The following OLAH variants were observed in gnomAD, a reference collection of about 807,000 sequenced individuals.
OLAH encodes the protein S-acyl fatty acid synthase thioesterase, medium chain.
A neutral mutation model predicts 27.8 loss-of-function variants in OLAH; 33 were observed. The observed-to-expected ratio is 1.19, with a 90% confidence interval of 0.90 to 1.59. The LOEUF is 1.59. Among genes scored for constraint, OLAH ranks in the 40% most tolerant of loss-of-function variants. The pLI is 0.00. For synonymous variants in OLAH, 120 were observed against 102.9 expected, an observed-to-expected ratio of 1.17 and a Z score of -1.01; for missense variants, 359 against 310.8, an observed-to-expected ratio of 1.16 and a Z score of -1.17.
At chr10:15,040,531 ACCT>A (rs1381975259), upstream of OLAH, among the ~76,000 whole-genome samples, 1 of 151,392 alleles carries the variant, frequency 6.6e-6, no homozygotes, top group East Asian at 2.0e-4. Flanking sequence ...CTAAACTCTA[ACCT>A]CCTCTGCTTC....
upstream of OLAH, among the ~76,000 whole-genome samples, chr10:15,039,190 C>A (rs898605314): frequency 2.4e-4 from 36 of 152,106 alleles, no homozygotes; most frequent in African/African-American, 8.4e-4. Context: ...AGCACCCCTG[C>A]ACGCCAGTCT....
chr10:15,073,149 C>T lies in OLAH; in HGVS notation c.718C>T (p.Leu240Phe). The change falls in exon 8 of 8, where the codon CTT becomes TTT. Residue 240 changes from leucine to phenylalanine, a missense_variant. Transcript: ENST00000378228. ...IYQLPGGHFYLLDPANEKLIK... is the reference protein window; with the variant it reads ...IYQLPGGHFYFLDPANEKLIK... ...CCAGCTTCCAGGGGGTCACTTTTATCTTCTGGATCCTGCGAACGAGAAATT... is the reference window on the plus strand; with the variant it reads ...CCAGCTTCCAGGGGGTCACTTTTATTTTCTGGATCCTGCGAACGAGAAATT... 1.9e-6 allele frequency: 3 copies of T among 1,612,226 alleles called. No individual in the cohort carries two copies. The highest frequency in any genetic ancestry group is 2.5e-6 in the Non-Finnish European group (3 of 1,178,384).
chr10:15,065,529 T>C, intron 5 of OLAH, 55 bp from the exon 6 acceptor site: 1 of 1,534,108 alleles, frequency 6.5e-7, no homozygotes, highest in East Asian at 2.3e-5. Flanking sequence ...TTTCAGTTTA[T>C]GAGCCAAGTG....
At chr10:15,036,498 C>T (rs1251096749) in intron 1 of OLAH, among the ~76,000 whole-genome samples, 1 of 151,880 alleles carries the variant, frequency 6.6e-6, no homozygotes, top group African/African-American at 2.4e-5. Flanking sequence ...ACTCTATCCC[C>T]CCAAAAAAGA....
intron 4 of OLAH, among the ~76,000 whole-genome samples, chr10:15,062,587 G>A (rs1249583311): frequency 6.7e-6 from 1 of 150,370 alleles, no homozygotes; most frequent in Non-Finnish European, 1.5e-5. Flanking sequence ...TTATATTATA[G>A]TAATATTAAA....
chr10:15,065,982 T>G (rs978053347), intron 6 of OLAH, among the ~76,000 whole-genome samples: 1 of 152,216 alleles, frequency 6.6e-6, no homozygotes, highest in Non-Finnish European at 1.5e-5. Flanking sequence ...GACTCATGCC[T>G]ATAATTCCAG....
At chr10:15,036,444 C>T (rs1843841710) in intron 1 of OLAH, among the ~76,000 whole-genome samples, 4 of 152,020 alleles carry the variant, frequency 2.6e-5, no homozygotes, top group Admixed American at 2.6e-4. Flanking sequence ...TTGCAGTGAG[C>T]TGAGATTGCG....
chr10:15,049,454 T>C (rs1027751223), intron 2 of OLAH, among the ~76,000 whole-genome samples, 181 bp from the exon 3 acceptor site: 6 of 152,158 alleles, frequency 3.9e-5, no homozygotes, highest in Admixed American at 3.9e-4. Context: ...TGTATTCAAA[T>C]TGTCAACACA....
intron 6 of OLAH, among the ~76,000 whole-genome samples, chr10:15,066,942 G>C (rs1844480646): frequency 6.6e-6 from 1 of 152,094 alleles, no homozygotes; most frequent in Non-Finnish European, 1.5e-5. Flanking sequence ...GCTCAGCAAG[G>C]ACTAAGTTTT....
intron 4 of OLAH, among the ~76,000 whole-genome samples, chr10:15,063,491 A>G (rs542475125): frequency 1.3e-5 from 2 of 152,326 alleles, no homozygotes; most frequent in South Asian, 2.1e-4. Flanking sequence ...TGCGCAATGA[A>G]CATGGTGCTG....
chr10:15,042,091 G>C (rs376216001), upstream of OLAH, among the ~76,000 whole-genome samples: 24 of 152,004 alleles, frequency 1.6e-4, no homozygotes, highest in African/African-American at 5.8e-4. Context: ...TTTGAGGAGA[G>C]TATGCACAAC....
rs1316158470 is a variant in OLAH, at chr10:15,049,712, G to T, written c.110G>T (p.Gly37Val). 2.5e-6 allele frequency: 4 copies of T among 1,610,712 alleles called. No individual in the cohort carries two copies. The highest frequency in any genetic ancestry group is 3.4e-6 in the Non-Finnish European group (4 of 1,179,232). ...FKLICFPWMG[G>V]GSTHFAKWGQ... is the part of the protein sequence containing the mutation. ...CTGATTTGCTTTCCCTGGATGGGAG[G>T]TGGCTCCACTCATTTTGCCAAATGG... is the stretch of plus-strand genomic sequence containing the variant. Residue 37 changes from glycine to valine, a missense_variant, in exon 3 of 8, where the codon GGT becomes GTT. Transcript: ENST00000378228.
chr10:15,035,078 G>A (rs1480713453), intron 1 of OLAH, among the ~76,000 whole-genome samples: 2 of 152,156 alleles, frequency 1.3e-5, no homozygotes, highest in South Asian at 2.1e-4. Context: ...GGGATTACAG[G>A]CGCTGAGAGT....
chr10:15,052,364 C>G (rs1844161226), intron 3 of OLAH, among the ~76,000 whole-genome samples: 1 of 152,200 alleles, frequency 6.6e-6, no homozygotes, highest in Non-Finnish European at 1.5e-5. Context: ...ATTCTTCAGG[C>G]AGACTCATGA....
chr10:15,061,187 C>T (rs993182818), intron 3 of OLAH, among the ~76,000 whole-genome samples: 1 of 152,084 alleles, frequency 6.6e-6, no homozygotes, highest in South Asian at 2.1e-4. Context: ...GACTTTTTCC[C>T]CCATCCAGAG....
chr10:15,073,069 A>G lies in OLAH; in HGVS notation c.656-18A>G. On this transcript the variant is annotated intron_variant, in intron 7 of 7. Transcript: ENST00000378228. ...TGCTGTTGGTGTTGTTATTGAATACAATCTTGTTTATTTTCAGCCTGGAAA... is the reference window on the plus strand; with the variant it reads ...TGCTGTTGGTGTTGTTATTGAATACGATCTTGTTTATTTTCAGCCTGGAAA... The G allele has an allele frequency of 1.2e-6, 2 of 1,609,724 alleles. No homozygotes were observed. The highest frequency in any genetic ancestry group is 1.7e-6 in the Non-Finnish European group (2 of 1,178,224).
At position 15,061,845 on chromosome 10, in the gene OLAH, T is replaced by C; in HGVS notation, c.285T>C (p.Phe95=). ...ALQPVIQDKP[F]AFFGHSMGSY... ...AGCCAGTCATCCAGGATAAACCATT[T>C]GCATTTTTTGGCCACAGGTATTTGA... is the stretch of plus-strand genomic sequence containing the variant. The change falls in exon 4 of 8, where the codon TTT becomes TTC. Residue 95 remains phenylalanine (F), a synonymous_variant. Coordinates refer to ENST00000378228, the MANE Select transcript of OLAH (RefSeq NM_001039702.3). 4 of 1,613,322 alleles carry C rather than the reference T, an allele frequency of 2.5e-6. No homozygotes were observed. The highest frequency in any genetic ancestry group is 3.4e-6 in the Non-Finnish European group (4 of 1,179,714).
intron 3 of OLAH, among the ~76,000 whole-genome samples, chr10:15,056,277 TTATACATGTCTTCTTA>T (rs1165786011): frequency 2.0e-5 from 3 of 152,194 alleles, no homozygotes; most frequent in African/African-American, 7.2e-5. Context: ...TATGAGCATC[TTATACATGTCTTCTTA>T]TATACATGTA....
intron 1 of OLAH, among the ~76,000 whole-genome samples, chr10:15,037,849 A>G (rs918572907): frequency 6.6e-6 from 1 of 152,252 alleles, no homozygotes; most frequent in African/African-American, 2.4e-5. Context: ...TGTAACTGGC[A>G]GCGACTTCAG....
Sources: allele counts gnomAD v4.1 joint callset (sites outside exome capture counted in the v4.1 genomes callset), GRCh38; gene constraint gnomAD v4.1.1; transcripts MANE v1.5; gene names NCBI Gene and HGNC (gene_info 2026-07-23, HGNC 2026-07-21).